Variants in ZDHHC14 observed in about 807,000 individuals in gnomAD.
The protein encoded by ZDHHC14 is zDHHC palmitoyltransferase 14.
A neutral mutation model predicts 47.7 loss-of-function variants in ZDHHC14; 16 were observed. That is an observed-to-expected ratio of 0.34 (90% confidence interval 0.23 to 0.51). The LOEUF (loss-of-function observed/expected upper bound fraction) is 0.51. Ranked by LOEUF, ZDHHC14 falls within the 20% of genes least tolerant of loss-of-function variation. ZDHHC14 has a pLI of 0.97. For missense variants in ZDHHC14, 515 were observed against 662.5 expected (o/e 0.78, Z 2.44); for synonymous variants, 293 against 278.9 (o/e 1.05, Z -0.50).
intron 2 of ZDHHC14, among the ~76,000 whole-genome samples, chr6:157,575,021 G>T (rs887030187): frequency 6.6e-6 from 1 of 152,212 alleles, no homozygotes; most frequent in East Asian, 1.9e-4. Flanking sequence ...CCGATTATGG[G>T]GTTGGCAAGT....
intron 1 of ZDHHC14, among the ~76,000 whole-genome samples, chr6:157,528,339 A>G (rs1781232019): frequency 6.6e-6 from 1 of 152,234 alleles, no homozygotes; most frequent in East Asian, 1.9e-4. Flanking sequence ...AAAGAAAAGT[A>G]AAGAAATGAT....
intron 3 of ZDHHC14, among the ~76,000 whole-genome samples, chr6:157,595,142 C>T (rs1416324074): frequency 7.2e-6 from 1 of 139,318 alleles, no homozygotes; most frequent in Non-Finnish European, 1.5e-5. Flanking sequence ...TTTGTCCACT[C>T]ATTTATCCTC....
At chr6:157,447,092 C>T (rs1017160104) in intron 1 of ZDHHC14, among the ~76,000 whole-genome samples, 8 of 150,188 alleles carry the variant, frequency 5.3e-5, no homozygotes, top group South Asian at 2.1e-4. Flanking sequence ...TACTTCAGCC[C>T]GGATGATGTG....
intron 8 of ZDHHC14, among the ~76,000 whole-genome samples, chr6:157,670,117 C>T (rs564017657): frequency 6.6e-6 from 1 of 152,306 alleles, no homozygotes; most frequent in South Asian, 2.1e-4. Context: ...GCAGCCTGCT[C>T]AGTAGCCCCC....
chr6:157,515,637 C>T (rs241583), intron 1 of ZDHHC14, among the ~76,000 whole-genome samples: 151,235 of 151,740 alleles, frequency 1, 75,368 homozygotes, highest in Middle Eastern at 1. Context: ...CTAATTTTTT[C>T]GTGTTTTTTA....
chr6:157,489,242 GA>G (rs1473923311), intron 1 of ZDHHC14, among the ~76,000 whole-genome samples: 1 of 152,160 alleles, frequency 6.6e-6, no homozygotes, highest in Non-Finnish European at 1.5e-5. Context: ...TTTAGAAAAT[GA>G]AAACATTACT....
At chr6:157,500,453 C>A (rs140959461) in intron 1 of ZDHHC14, among the ~76,000 whole-genome samples, 1 of 151,752 alleles carries the variant, frequency 6.6e-6, no homozygotes, top group Non-Finnish European at 1.5e-5. Flanking sequence ...GAGAGTGGGA[C>A]GTAAGGGGGC....
At chr6:157,536,482 C>T (rs1425068849) in intron 1 of ZDHHC14, among the ~76,000 whole-genome samples, 1 of 152,152 alleles carries the variant, frequency 6.6e-6, no homozygotes, top group African/African-American at 2.4e-5. Flanking sequence ...GTTTTAATGT[C>T]TCTGCTATAT....
chr6:157,390,267 AT>A (rs958134129), intron 1 of ZDHHC14, among the ~76,000 whole-genome samples: 13 of 151,424 alleles, frequency 8.6e-5, no homozygotes, highest in Non-Finnish European at 1.6e-4. Context: ...CTTAGTTGTT[AT>A]TTTTTTTAGC....
intron 1 of ZDHHC14, among the ~76,000 whole-genome samples, chr6:157,510,846 T>A (rs1780449511): frequency 1.3e-5 from 2 of 152,254 alleles, no homozygotes; most frequent in African/African-American, 4.8e-5. Context: ...GAGTTTCCAA[T>A]GGCCTCTGCC....
Position 157,668,050 on chromosome 6 carries a change from G to A in ZDHHC14, c.1069-4674G>A, listed in dbSNP as rs575691348. ...TCCCCGTGTGCCCCAACTGAGATTTGCCTTCTAAATGGAAATCAGTTTGAA... is the reference window on the plus strand; with the variant it reads ...TCCCCGTGTGCCCCAACTGAGATTTACCTTCTAAATGGAAATCAGTTTGAA... On this transcript the variant is annotated intron_variant, in intron 8 of 8. Transcript: ENST00000359775. Among the ~76,000 whole-genome samples, 3 of 152,270 alleles carry A rather than the reference G, an allele frequency of 2.0e-5. No homozygotes were observed. The South Asian group carries it at 6.2e-4, about 32-fold the overall frequency.
Position 157,587,308 on chromosome 6 carries a change from AGT to A in ZDHHC14, c.407-5678_407-5677del, listed in dbSNP as rs757637717. On this transcript the variant is annotated intron_variant, in intron 2 of 8. Coordinates refer to ENST00000359775, the MANE Select transcript of ZDHHC14 (RefSeq NM_024630.3). ...CCTTATCTTTGATGGATTCAAAGCC[AGT>A]GATTTCTATCCAGTGCTCAGGGGAA... Among the ~76,000 whole-genome samples the A allele has an allele frequency of 5.3e-5, 8 of 152,224 alleles. No homozygotes were observed. In the East Asian group the frequency reaches 9.6e-4, roughly 18 times the overall value.
chr6:157,583,974 A>AGGGT (rs1281856423), intron 2 of ZDHHC14, among the ~76,000 whole-genome samples: 4 of 1,448 alleles, frequency 2.8e-3, no homozygotes, highest in East Asian at 0.03. Context: ...AGTGATGAGC[A>AGGGT]GGGTGGGTGG....
intron 1 of ZDHHC14, among the ~76,000 whole-genome samples, chr6:157,474,688 C>T (rs1345871404): frequency 2.2e-5 from 2 of 88,920 alleles, no homozygotes; most frequent in Non-Finnish European, 5.2e-5. Context: ...CCTTCATATA[C>T]CTGCTGGCCA....
Position 157,677,714 on chromosome 6 carries a change from AAAGGTATG to A in ZDHHC14, c.*4595_*4602del, listed in dbSNP as rs780874300. 2 of 152,026 alleles carry A rather than the reference AAAGGTATG, an allele frequency of 1.3e-5. No homozygotes were observed. Among genetic ancestry groups the A allele is most frequent in the Non-Finnish European group, 2.9e-5 (2 of 68,040 alleles). 9.4% of individuals were successfully genotyped at this position (152,026 alleles called of 1,614,324 possible). A position where few individuals can be genotyped will look rare whatever the true frequency, so the allele number is the denominator to read the frequency against. ...TTAAAAGAAACTTGATATTGGTGAT[AAAGGTATG>A]AATGAACAACTCTCTTACTTGCCCT... On this transcript the variant is annotated 3_prime_UTR_variant, in exon 9 of 9. Coordinates refer to ENST00000359775, the MANE Select transcript of ZDHHC14 (RefSeq NM_024630.3).
At chr6:157,449,645 G>A (rs924826042) in intron 1 of ZDHHC14, among the ~76,000 whole-genome samples, 8 of 152,070 alleles carry the variant, frequency 5.3e-5, no homozygotes, top group African/African-American at 1.2e-4. Flanking sequence ...GCAGTCTGTC[G>A]TATCTACCTT....
At chr6:157,495,062 AT>A (rs1169645048) in intron 1 of ZDHHC14, among the ~76,000 whole-genome samples, 465 of 148,426 alleles carry the variant, frequency 3.1e-3, no homozygotes, top group Middle Eastern at 0.021. Flanking sequence ...CCTTTTTGGG[AT>A]TTTTTTTTTT....
intron 1 of ZDHHC14, among the ~76,000 whole-genome samples, chr6:157,487,838 T>A (rs1583698067): frequency 6.6e-6 from 1 of 152,204 alleles, no homozygotes; most frequent in East Asian, 1.9e-4. Context: ...GTTTTCCTGC[T>A]GTGCCCTCTC....
At chr6:157,560,524 A>G (rs1782665377) in intron 2 of ZDHHC14, among the ~76,000 whole-genome samples, 1 of 152,234 alleles carries the variant, frequency 6.6e-6, no homozygotes, top group African/African-American at 2.4e-5. Flanking sequence ...TGGGATCTTA[A>G]TATATATAGG....
Sources: gnomAD v4.1 joint callset for allele counts (sites outside exome capture counted in the v4.1 genomes callset) on GRCh38, gnomAD v4.1.1 for gene constraint, MANE v1.5 for transcripts, NCBI Gene and HGNC (gene_info 2026-07-23, HGNC 2026-07-21) for gene names.